The following CPNE4 variants were observed in gnomAD, a reference collection of about 807,000 sequenced individuals.
CPNE4 encodes the protein copine-4.
A neutral mutation model predicts 67.9 loss-of-function variants in CPNE4; 25 were observed. The observed-to-expected ratio is 0.37, with a 90% CI of 0.27 to 0.51. The LOEUF (loss-of-function observed/expected upper bound fraction) is 0.51. Ranked by LOEUF, CPNE4 falls within the 20% of genes least tolerant of loss-of-function variation. The probability of loss-of-function intolerance (pLI) is 0.93; values close to 1 mark genes in which losing one functional copy is unlikely to be tolerated. For synonymous variants in CPNE4, 242 were observed against 244.9 expected, an observed-to-expected ratio of 0.99 and a Z score of 0.11; for missense variants, 464 against 690.8, an observed-to-expected ratio of 0.67 and a Z score of 3.68.
chr3:131,720,685 C>T (rs1465789758), intron 3 of CPNE4, among the ~76,000 whole-genome samples: 2 of 152,172 alleles, frequency 1.3e-5, no homozygotes, highest in Non-Finnish European at 2.9e-5. Context: ...GTTTGCATTA[C>T]ACTGCTCTCA....
At chr3:131,664,519 A>T (rs949984014) in intron 7 of CPNE4, among the ~76,000 whole-genome samples, 1 of 152,232 alleles carries the variant, frequency 6.6e-6, no homozygotes, top group Non-Finnish European at 1.5e-5. Flanking sequence ...GAAATGTTAC[A>T]TATAGACAAA....
intron 1 of CPNE4, among the ~76,000 whole-genome samples, chr3:131,979,405 C>T (rs2072845057): frequency 6.6e-6 from 1 of 152,146 alleles, no homozygotes; most frequent in African/African-American, 2.4e-5. Context: ...GTGATATTTT[C>T]CTGTTGGACA....
intron 1 of CPNE4, among the ~76,000 whole-genome samples, chr3:131,929,543 C>T (rs1170513728): frequency 6.6e-6 from 1 of 151,874 alleles, no homozygotes; most frequent in Non-Finnish European, 1.5e-5. Flanking sequence ...GCCCCTTCTC[C>T]ATGTCTTCAC....
chr3:131,774,697 C>T (rs1184055819), intron 2 of CPNE4, among the ~76,000 whole-genome samples: 1 of 152,068 alleles, frequency 6.6e-6, no homozygotes, highest in Non-Finnish European at 1.5e-5. Context: ...CTACCAAGAA[C>T]TAGAGGAAAG....
At chr3:131,589,652 A>G (rs1938411268) in intron 7 of CPNE4, among the ~76,000 whole-genome samples, 1 of 152,250 alleles carries the variant, frequency 6.6e-6, no homozygotes, top group Non-Finnish European at 1.5e-5. Context: ...AGTCTTTGAA[A>G]GTTTCTCTAA....
chr3:131,975,813 A>C (rs2072634490), intron 1 of CPNE4, among the ~76,000 whole-genome samples: 1 of 152,060 alleles, frequency 6.6e-6, no homozygotes, highest in Non-Finnish European at 1.5e-5. Context: ...TAGTGTACGC[A>C]GAACTTATCC....
At chr3:131,648,141 G>A (rs2107618607) in intron 7 of CPNE4, among the ~76,000 whole-genome samples, 1 of 152,316 alleles carries the variant, frequency 6.6e-6, no homozygotes, top group East Asian at 1.9e-4. Context: ...CAGAGGCAGA[G>A]GAGGAAAAAC....
chr3:131,938,659 C>G (rs9289409), intron 1 of CPNE4, among the ~76,000 whole-genome samples: 1 of 151,910 alleles, frequency 6.6e-6, no homozygotes, highest in African/African-American at 2.4e-5. Context: ...CTGCCAAACA[C>G]TTTTAAAACC....
chr3:131,758,984 A>G (rs1457305212), intron 2 of CPNE4, among the ~76,000 whole-genome samples: 1 of 152,152 alleles, frequency 6.6e-6, no homozygotes, highest in Non-Finnish European at 1.5e-5. Context: ...CGTGTCAGGT[A>G]TGTATTTATC....
intron 1 of CPNE4, among the ~76,000 whole-genome samples, chr3:131,993,383 A>C (rs2073213625): frequency 7.8e-6 from 1 of 128,582 alleles, no homozygotes; most frequent in Admixed American, 9.2e-5. Context: ...AAAAAGCAAA[A>C]GATGATCATG....
chr3:131,930,293 G>C, intron 1 of CPNE4, among the ~76,000 whole-genome samples: 1 of 152,054 alleles, frequency 6.6e-6, no homozygotes, highest in East Asian at 1.9e-4. Flanking sequence ...AATAGAAGGA[G>C]ACAGAGCCCA....
At chr3:131,752,757 A>G (rs1231483148) in intron 2 of CPNE4, among the ~76,000 whole-genome samples, 1 of 152,182 alleles carries the variant, frequency 6.6e-6, no homozygotes, top group African/African-American at 2.4e-5. Context: ...AGTTGGAAGG[A>G]TGAGATCTAT....
chr3:131,771,507 G>A (rs2083165194), intron 2 of CPNE4, among the ~76,000 whole-genome samples: 2 of 151,934 alleles, frequency 1.3e-5, no homozygotes, highest in African/African-American at 4.8e-5. Context: ...TTGTTAAAAG[G>A]CCTGGCACCT....
intron 8 of CPNE4, among the ~76,000 whole-genome samples, chr3:131,582,711 T>C (rs1159013061): frequency 2.0e-5 from 3 of 152,236 alleles, no homozygotes; most frequent in East Asian, 1.9e-4. Context: ...CGCCTGTGTA[T>C]TGGGGCTGGC....
At chr3:131,664,122 G>T (rs955562022) in intron 7 of CPNE4, among the ~76,000 whole-genome samples, 5 of 152,132 alleles carry the variant, frequency 3.3e-5, no homozygotes, top group Non-Finnish European at 5.9e-5. Flanking sequence ...ATAGAAAATG[G>T]CCCCATAATA....
chr3:131,739,907 C>A (rs1300075979), intron 2 of CPNE4, among the ~76,000 whole-genome samples: 3 of 152,184 alleles, frequency 2.0e-5, no homozygotes, highest in Non-Finnish European at 2.9e-5. Context: ...TCCCCCAACC[C>A]CATCATATCC....
intron 3 of CPNE4, among the ~76,000 whole-genome samples, chr3:131,715,275 G>T (rs2081655200): frequency 6.6e-6 from 1 of 152,176 alleles, no homozygotes; most frequent in Admixed American, 6.5e-5. Flanking sequence ...GAGGGAAGAT[G>T]ATCAAGCCCA....
intron 10 of CPNE4, among the ~76,000 whole-genome samples, chr3:131,572,637 A>G (rs1464126237): frequency 6.6e-6 from 1 of 151,908 alleles, no homozygotes; most frequent in Non-Finnish European, 1.5e-5. Context: ...GAAATGGAGA[A>G]CATCCAGAAC....
At chr3:131,993,524 T>C (rs67606957) in intron 1 of CPNE4, among the ~76,000 whole-genome samples, 29,026 of 122,578 alleles carry the variant, frequency 0.24, 7,753 homozygotes, top group African/African-American at 0.54. Context: ...TTACATTCAC[T>C]TTCATGACTT....
Sources: gnomAD v4.1 joint callset for allele counts (sites outside exome capture counted in the v4.1 genomes callset) on GRCh38, gnomAD v4.1.1 for gene constraint, MANE v1.5 for transcripts, NCBI Gene and HGNC (gene_info 2026-07-23, HGNC 2026-07-21) for gene names.